The following LRRC38 variants were observed in gnomAD, a reference collection of about 807,000 sequenced individuals.
LRRC38 encodes the protein leucine rich repeat containing 38, also known as leucine-rich repeat-containing protein 38.
A neutral mutation model predicts 16.4 loss-of-function variants in LRRC38; 5 were observed. The ratio of observed to expected loss-of-function variants is 0.31; its 90% confidence interval spans 0.16 to 0.64. LRRC38 has a LOEUF of 0.64. LRRC38 is among the 30% of genes least tolerant of loss of function. The pLI, the probability that LRRC38 is intolerant of heterozygous loss-of-function variation, is 0.80. For missense variants in LRRC38, 341 were observed against 401.8 expected, an observed-to-expected ratio of 0.85 and a Z score of 1.29; for synonymous variants, 191 against 190.2, an observed-to-expected ratio of 1.00 and a Z score of -0.04.
chr1:13,509,121 G>A (rs577960878), intron 1 of LRRC38, among the ~76,000 whole-genome samples: 2 of 152,240 alleles, frequency 1.3e-5, no homozygotes, highest in East Asian at 3.9e-4. Flanking sequence ...CAGACCCAAG[G>A]CATGACATGT....
chr1:13,506,764 G>A lies in LRRC38; in HGVS notation c.631+6199C>T, dbSNP rs144279244. Among the ~76,000 whole-genome samples, 485 of 152,210 alleles carry A rather than the reference G, an allele frequency of 3.2e-3. 5 individuals carry two copies. Among genetic ancestry groups the A allele is most frequent in the African/African-American group, 0.011 (460 of 41,558 alleles). On this transcript the variant is annotated intron_variant, in intron 1 of 1. Coordinates refer to ENST00000376085, the MANE Select transcript of LRRC38 (RefSeq NM_001010847.2). ...CTGAGCCACCACGCCTGGCCCTGAT[G>A]CATTTTTACAGCCCGCACCAGCCCG...
chr1:13,511,444 C>A (rs1639273201), intron 1 of LRRC38, among the ~76,000 whole-genome samples: 4 of 152,020 alleles, frequency 2.6e-5, no homozygotes. Context: ...AACTGAGGCC[C>A]AAATGGGACA....
chr1:13,488,093 C>T (rs988616783), intron 1 of LRRC38, among the ~76,000 whole-genome samples: 1 of 149,792 alleles, frequency 6.7e-6, no homozygotes, highest in Non-Finnish European at 1.5e-5. Flanking sequence ...AAATGCACTC[C>T]ACCACTCTGT....
At chr1:13,507,674 A>G (rs1351320973) in intron 1 of LRRC38, among the ~76,000 whole-genome samples, 1 of 152,074 alleles carries the variant, frequency 6.6e-6, no homozygotes, top group African/African-American at 2.4e-5. Flanking sequence ...TCTACTAAAA[A>G]TACAAAAATT....
intron 1 of LRRC38, among the ~76,000 whole-genome samples, chr1:13,501,662 T>C (rs879278503): frequency 2.1e-4 from 22 of 104,090 alleles, no homozygotes; most frequent in Non-Finnish European, 3.6e-4. Flanking sequence ...GGCACGATCT[T>C]GGCTCACTGC....
intron 1 of LRRC38, among the ~76,000 whole-genome samples, chr1:13,502,835 C>G (rs1479748057): frequency 6.6e-6 from 1 of 152,188 alleles, no homozygotes; most frequent in East Asian, 1.9e-4. Flanking sequence ...TTGCCCCACT[C>G]CAGGTGACCA....
At chr1:13,512,359 C>G (rs1314046967) in intron 1 of LRRC38, among the ~76,000 whole-genome samples, 1 of 152,252 alleles carries the variant, frequency 6.6e-6, no homozygotes, top group Non-Finnish European at 1.5e-5. Context: ...CAGCCCTCTA[C>G]ATTTTGGTTC....
intron 1 of LRRC38, among the ~76,000 whole-genome samples, chr1:13,509,356 G>C (rs1639249492): frequency 6.6e-6 from 1 of 152,098 alleles, no homozygotes; most frequent in Non-Finnish European, 1.5e-5. Context: ...CCCCTCCTGT[G>C]ATACACTCCC....
intron 1 of LRRC38, among the ~76,000 whole-genome samples, chr1:13,491,227 A>T (rs918485464): frequency 6.6e-6 from 1 of 152,194 alleles, no homozygotes; most frequent in East Asian, 1.9e-4. Flanking sequence ...ACTGCACAAG[A>T]CAGCACCCAC....
Position 13,513,691 on chromosome 1 carries a change from G to T in LRRC38, c.-98C>A. ...GGTGAGGCACTGGCTGCCGGGCGCG[G>T]GGAGCCAGAGGGCGGCCCGGGCGGG... On this transcript the variant is annotated 5_prime_UTR_variant, in exon 1 of 2. Coordinates refer to ENST00000376085, the MANE Select transcript of LRRC38 (RefSeq NM_001010847.2). The T allele has an allele frequency of 2.5e-6, 2 of 812,024 alleles. No homozygotes were observed. The highest frequency in any genetic ancestry group is 5.5e-5 in the South Asian group (1 of 18,104). 50.3% of individuals were successfully genotyped at this position (812,024 alleles called of 1,614,324 possible). A position where few individuals can be genotyped will look rare whatever the true frequency, so the allele number is the denominator to read the frequency against.
intron 1 of LRRC38, among the ~76,000 whole-genome samples, chr1:13,493,077 C>T (rs888877472): frequency 6.6e-6 from 1 of 152,230 alleles, no homozygotes; most frequent in East Asian, 1.9e-4. Context: ...ACCCTCGGCT[C>T]ACGAAGTGCT....
intron 1 of LRRC38, among the ~76,000 whole-genome samples, chr1:13,495,521 C>T (rs1639071060): frequency 6.6e-6 from 1 of 152,000 alleles, no homozygotes; most frequent in South Asian, 2.1e-4. Context: ...CTCTGGGTAT[C>T]AAAGCAGGTG....
chr1:13,508,388 A>G (rs901321715), intron 1 of LRRC38, among the ~76,000 whole-genome samples: 3 of 152,210 alleles, frequency 2.0e-5, no homozygotes, highest in Admixed American at 2.0e-4. Context: ...ACTTCTAACA[A>G]CAGGGGATGG....
chr1:13,495,254 G>A (rs573556125), intron 1 of LRRC38, among the ~76,000 whole-genome samples: 3 of 152,314 alleles, frequency 2.0e-5, no homozygotes, highest in South Asian at 4.1e-4. Flanking sequence ...CACAGGAAGA[G>A]CTGTAGAAGG....
chr1:13,497,890 G>A (rs1337379654), intron 1 of LRRC38, among the ~76,000 whole-genome samples: 1 of 146,688 alleles, frequency 6.8e-6, no homozygotes, highest in Non-Finnish European at 1.5e-5. Context: ...AACCCTGGAG[G>A]CCGAGGTTGC....
chr1:13,498,912 T>C (rs1025209635), intron 1 of LRRC38, among the ~76,000 whole-genome samples: 1 of 152,170 alleles, frequency 6.6e-6, no homozygotes, highest in East Asian at 1.9e-4. Flanking sequence ...GCCTCCCCAC[T>C]GGCTCCGGTG....
chr1:13,497,422 C>T (rs762008774), intron 1 of LRRC38, among the ~76,000 whole-genome samples: 3 of 152,000 alleles, frequency 2.0e-5, no homozygotes, highest in African/African-American at 7.2e-5. Context: ...CTGAAGCAAG[C>T]GTGGGAGCTT....
intron 1 of LRRC38, among the ~76,000 whole-genome samples, chr1:13,484,463 G>T (rs1490225712): frequency 6.6e-6 from 1 of 152,192 alleles, no homozygotes; most frequent in Admixed American, 6.5e-5. Flanking sequence ...ATAAAGACAG[G>T]ATCAGAGAAC....
At chr1:13,508,265 A>C (rs747502713) in intron 1 of LRRC38, among the ~76,000 whole-genome samples, 45 of 152,152 alleles carry the variant, frequency 3.0e-4, no homozygotes, top group Non-Finnish European at 4.9e-4. Flanking sequence ...ATAGACTTTC[A>C]CCCTGTGTTT....
Sources: allele counts gnomAD v4.1 joint callset (sites outside exome capture counted in the v4.1 genomes callset), GRCh38; gene constraint gnomAD v4.1.1; transcripts MANE v1.5; gene names NCBI Gene and HGNC (gene_info 2026-07-23, HGNC 2026-07-21).